Variants in MDFIC2 observed in about 807,000 individuals in gnomAD.
MDFIC2 encodes myoD family inhibitor domain-containing protein 2.
chr3:70,206,582 G>A lies in MDFIC2; in HGVS notation c.297C>T (p.His99=), dbSNP rs1701292625. Residue 99 remains histidine (H), a synonymous_variant, in exon 3 of 4, where the codon CAC becomes CAT. Transcript: ENST00000567252. ...TGAGAAACATACCATCAGTGTCTCT[G>A]TGATGAACTGAAGTATCAGTTTGGA... is the stretch of plus-strand genomic sequence containing the variant. ...SYLQTDTSVH[H]RDTDEECASL... The A allele has an allele frequency of 2.5e-6, 1 of 397,612 alleles. No individual in the cohort carries two copies. The highest frequency in any genetic ancestry group is 4.4e-5 in the Admixed American group (1 of 22,670). The allele number at this position is 397,612 out of a possible 1,614,324, so 24.6% of individuals were successfully genotyped here. A position where few individuals can be genotyped will look rare whatever the true frequency, so the allele number is the denominator to read the frequency against.
intron 3 of MDFIC2, among the ~76,000 whole-genome samples, chr3:70,199,279 G>A (rs1701211537): frequency 6.6e-6 from 1 of 152,130 alleles, no homozygotes; most frequent in South Asian, 2.1e-4. Context: ...TCCTGAGAGT[G>A]TACAACCTTT....
intron 2 of MDFIC2, among the ~76,000 whole-genome samples, chr3:70,220,341 G>T (rs1576159886): frequency 6.6e-6 from 1 of 152,030 alleles, no homozygotes; most frequent in East Asian, 1.9e-4. Context: ...CGAGGTGAGA[G>T]GATAACTTGG....
At chr3:70,212,031 G>A (rs1199963484) in intron 2 of MDFIC2, among the ~76,000 whole-genome samples, 1 of 151,772 alleles carries the variant, frequency 6.6e-6, no homozygotes, top group Non-Finnish European at 1.5e-5. Flanking sequence ...TGTCCTCTTA[G>A]TTTCTTTCTT....
chr3:70,216,034 T>C (rs954685412), intron 2 of MDFIC2, among the ~76,000 whole-genome samples: 1 of 152,078 alleles, frequency 6.6e-6, no homozygotes, highest in African/African-American at 2.4e-5. Flanking sequence ...TACAAAAAGA[T>C]ACAAATAAAT....
At chr3:70,211,306 CCTTTCCCTTCCCTTT>C in intron 2 of MDFIC2, among the ~76,000 whole-genome samples, 1 of 111,464 alleles carries the variant, frequency 9.0e-6, no homozygotes, top group African/African-American at 3.4e-5. Context: ...CTTCCCTTTG[CCTTTCCCTTCCCTTT>C]CCTTCCTTTC....
chr3:70,279,358 C>T (rs942705963), intron 2 of MDFIC2, among the ~76,000 whole-genome samples: 2 of 152,030 alleles, frequency 1.3e-5, no homozygotes, highest in Non-Finnish European at 2.9e-5. Flanking sequence ...CAAATCCATT[C>T]GATTCCAATG....
intron 2 of MDFIC2, among the ~76,000 whole-genome samples, chr3:70,219,677 T>C (rs984184925): frequency 1.3e-5 from 2 of 152,098 alleles, no homozygotes; most frequent in Non-Finnish European, 2.9e-5. Flanking sequence ...AATGACAGAA[T>C]TAAAATCTGC....
chr3:70,288,181 C>T (rs1307934297), intron 2 of MDFIC2, among the ~76,000 whole-genome samples: 1 of 142,140 alleles, frequency 7.0e-6, no homozygotes, highest in African/African-American at 2.7e-5. Flanking sequence ...TTCCTGCTTT[C>T]TCTTGTGGGC....
chr3:70,198,751 A>G (rs773452427), intron 3 of MDFIC2, among the ~76,000 whole-genome samples: 2 of 152,138 alleles, frequency 1.3e-5, no homozygotes, highest in Non-Finnish European at 2.9e-5. Context: ...ATATTCCACA[A>G]TACCTCTACT....
At position 70,197,256 on chromosome 3, in the gene MDFIC2, G is replaced by A. The variant is rs182869607; in HGVS notation, c.311-71C>T. ...TCTATGAAGGACAGGCATGTGTGCT[G>A]GGATACTTGATAACTTGATAGCCAA... On this transcript the variant is annotated intron_variant, in intron 3 of 3. Transcript: ENST00000567252. 17 of 397,812 alleles carry A rather than the reference G, an allele frequency of 4.3e-5. No homozygotes were observed. In the East Asian group the frequency reaches 6.1e-4, roughly 14 times the overall value. 24.6% of individuals were successfully genotyped at this position (397,812 alleles called of 1,614,324 possible).
chr3:70,267,933 T>A (rs1013572778), intron 2 of MDFIC2, among the ~76,000 whole-genome samples: 2 of 151,310 alleles, frequency 1.3e-5, no homozygotes, highest in Admixed American at 6.6e-5. Context: ...TTTCTTCCCA[T>A]CCCCTTCCCT....
chr3:70,297,584 C>T (rs1017495452), intron 2 of MDFIC2, among the ~76,000 whole-genome samples: 2 of 152,052 alleles, frequency 1.3e-5, no homozygotes, highest in Non-Finnish European at 2.9e-5. Context: ...TTTGTGTTAT[C>T]GGAATTCTTT....
chr3:70,297,292 C>G (rs971312659), intron 2 of MDFIC2, among the ~76,000 whole-genome samples: 2 of 151,962 alleles, frequency 1.3e-5, no homozygotes, highest in Admixed American at 6.6e-5. Flanking sequence ...TATCTGTTTA[C>G]TTAAATAAGC....
chr3:70,293,045 C>CAAAAAA (rs55990203), intron 2 of MDFIC2, among the ~76,000 whole-genome samples: 3 of 74,816 alleles, frequency 4.0e-5, no homozygotes, highest in Non-Finnish European at 5.9e-5. Context: ...TGGTTTGAAG[C>CAAAAAA]AAAAAAAAAA....
At chr3:70,306,621 C>T (rs1702403503) in intron 2 of MDFIC2, among the ~76,000 whole-genome samples, 1 of 151,948 alleles carries the variant, frequency 6.6e-6, no homozygotes, top group East Asian at 1.9e-4. Context: ...TGAATTTTCC[C>T]ATTTGGGTAC....
At chr3:70,293,239 T>A (rs1702256087) in intron 2 of MDFIC2, among the ~76,000 whole-genome samples, 1 of 151,958 alleles carries the variant, frequency 6.6e-6, no homozygotes, top group East Asian at 1.9e-4. Flanking sequence ...AGAATAATGT[T>A]CTTAAATGCA....
rs1295777061 is a variant in MDFIC2, at chr3:70,279,162, C to T, written c.88+32724G>A. ...CATGCAATCATGACAACAATAAGTG[C>T]CATTCCATATTTTTATTTAGCAAGT... On this transcript the variant is annotated intron_variant, in intron 2 of 3. Coordinates refer to ENST00000567252, the MANE Select transcript of MDFIC2 (RefSeq NM_001364677.1). Among the ~76,000 whole-genome samples the T allele has an allele frequency of 2.0e-5, 3 of 151,026 alleles. No homozygotes were observed. The East Asian group carries it at 5.8e-4, about 29-fold the overall frequency.
chr3:70,253,330 G>T (rs191351856), intron 2 of MDFIC2, among the ~76,000 whole-genome samples: 123 of 152,248 alleles, frequency 8.1e-4, no homozygotes, highest in African/African-American at 2.8e-3. Flanking sequence ...AGAGGCAGGG[G>T]TGTGCATGGA....
chr3:70,245,768 A>G (rs1004577235), intron 2 of MDFIC2, among the ~76,000 whole-genome samples: 7 of 144,610 alleles, frequency 4.8e-5, no homozygotes, highest in Non-Finnish European at 9.1e-5. Context: ...CTATTCTTCA[A>G]AAGGACATCA....
Sources: allele counts gnomAD v4.1 joint callset (sites outside exome capture counted in the v4.1 genomes callset), GRCh38; gene constraint gnomAD v4.1.1; transcripts MANE v1.5; gene names NCBI Gene and HGNC (gene_info 2026-07-23, HGNC 2026-07-21).